COL5A2: variants seen among roughly 807,000 people sequenced by gnomAD.
COL5A2 encodes the protein collagen type V alpha 2 chain.
Under a neutral mutation model 208.2 loss-of-function variants are expected in COL5A2, and 23 were observed. The observed-to-expected ratio is 0.11, with a 90% CI of 0.08 to 0.16. The LOEUF is 0.16. COL5A2 is among the 10% of genes least tolerant of loss of function. The pLI, the probability that COL5A2 is intolerant of heterozygous loss-of-function variation, is 1.00. For synonymous variants in COL5A2, 625 were observed against 628.5 expected (o/e 0.99, Z 0.08); for missense variants, 1,590 against 1,956.4 (o/e 0.81, Z 3.53).
the COL5A2 span, among the ~76,000 whole-genome samples, chr2:189,319,476 G>A: frequency 7.9e-5 from 12 of 152,232 alleles, no homozygotes; most frequent in East Asian, 1.9e-4. Context: ...CTAATACTGC[G>A]CTTTTCCAAT....
At chr2:189,374,282 A>G in the COL5A2 span, among the ~76,000 whole-genome samples, 8 of 152,212 alleles carry the variant, frequency 5.3e-5, no homozygotes, top group African/African-American at 1.9e-4. Context: ...TTTCTTTACT[A>G]AAAGCAATTT....
the COL5A2 span, among the ~76,000 whole-genome samples, chr2:189,321,549 A>C: frequency 6.6e-6 from 1 of 152,334 alleles, no homozygotes; most frequent in South Asian, 2.1e-4. Flanking sequence ...TAAGCCAACA[A>C]AGATCAAAAG....
intron 1 of COL5A2, among the ~76,000 whole-genome samples, chr2:189,154,392 A>G (rs1688204006): frequency 6.6e-6 from 1 of 152,234 alleles, no homozygotes; most frequent in Non-Finnish European, 1.5e-5. Context: ...TAGGAGAATC[A>G]TAATTCATGA....
intron 13 of COL5A2, 28 bp downstream of exon 13, chr2:189,080,962 T>G: frequency 3.8e-6 from 6 of 1,596,404 alleles, no homozygotes; most frequent in Non-Finnish European, 3.4e-6. Flanking sequence ...CCACAGTATC[T>G]GAGAGGATTA....
the COL5A2 span, among the ~76,000 whole-genome samples, chr2:189,278,175 T>C: frequency 3.3e-5 from 5 of 152,134 alleles, no homozygotes; most frequent in African/African-American, 4.8e-5. Flanking sequence ...ATTCCTTCTC[T>C]CGATAAGCTG....
At chr2:189,285,071 G>GGTGTGTGTGTGTGTGTGTGTGTGTGTGT in the COL5A2 span, among the ~76,000 whole-genome samples, 1 of 139,702 alleles carries the variant, frequency 7.2e-6, no homozygotes, top group Non-Finnish European at 1.5e-5. Flanking sequence ...GCATGCACAT[G>GGTGTGTGTGTGTGTGTGTGTGTGTGTGT]GTGTGTGTGT....
chr2:189,384,061 A>G, the COL5A2 span, among the ~76,000 whole-genome samples: 5,349 of 152,070 alleles, frequency 0.035, 111 homozygotes, highest in Admixed American at 0.05. Context: ...CTCCATTTCC[A>G]TTCATGTTTT....
chr2:189,064,073 G>A (rs781398818), intron 25 of COL5A2, 40 bp from the exon 26 acceptor site: 2 of 1,519,792 alleles, frequency 1.3e-6, no homozygotes, highest in Non-Finnish European at 1.8e-6. Flanking sequence ...TTGCTGATAT[G>A]CAGTTGAAGT....
At chr2:189,355,790 T>C in the COL5A2 span, among the ~76,000 whole-genome samples, 1 of 152,186 alleles carries the variant, frequency 6.6e-6, no homozygotes, top group Non-Finnish European at 1.5e-5. Context: ...AAGGTTAATA[T>C]TGTTATGTGT....
At chr2:189,259,027 T>C in the COL5A2 span, among the ~76,000 whole-genome samples, 4 of 152,214 alleles carry the variant, frequency 2.6e-5, no homozygotes, top group African/African-American at 9.6e-5. Flanking sequence ...TATTCTGACA[T>C]TTCCAACCTT....
At chr2:189,269,304 G>A in the COL5A2 span, among the ~76,000 whole-genome samples, 42 of 151,948 alleles carry the variant, frequency 2.8e-4, no homozygotes, top group African/African-American at 8.5e-4. Flanking sequence ...ATTGGGCATC[G>A]TTGTCTTGTG....
At chr2:189,225,516 AAAC>A (rs201465319), upstream of COL5A2, among the ~76,000 whole-genome samples, 4,951 of 152,252 alleles carry the variant, frequency 0.033, 87 homozygotes, top group Admixed American at 0.047. Context: ...AAATTTGGCC[AAAC>A]AACAGATTTC....
At chr2:189,389,132 T>C in the COL5A2 span, among the ~76,000 whole-genome samples, 8 of 152,324 alleles carry the variant, frequency 5.3e-5, no homozygotes, top group Admixed American at 4.6e-4. Flanking sequence ...TAACAAGTCA[T>C]CTATCAAGGG....
At chr2:189,325,481 GAC>G in the COL5A2 span, among the ~76,000 whole-genome samples, 51 of 148,804 alleles carry the variant, frequency 3.4e-4, no homozygotes, top group Non-Finnish European at 3.9e-4. Flanking sequence ...TCCCCAAACA[GAC>G]ACACACACAC....
chr2:189,216,598 C>A (rs1349448087), intron 1 of COL5A2, among the ~76,000 whole-genome samples: 1 of 151,878 alleles, frequency 6.6e-6, no homozygotes, highest in Non-Finnish European at 1.5e-5. Context: ...CATTGGAGGG[C>A]AGATAGTAGG....
rs1024521499 is a variant in COL5A2 at position 189,048,453 on chromosome 2, A to G, written c.3148-191T>C. ...TTTTGAATTACTGTAAAATTAACAT[A>G]TTCTTACTTAATCCATATTCTTCAT... On this transcript the variant is annotated intron_variant, in intron 44 of 53. Coordinates refer to ENST00000374866, the MANE Select transcript of COL5A2 (RefSeq NM_000393.5). Among the ~76,000 whole-genome samples the G allele has an allele frequency of 3.9e-5, 6 of 152,210 alleles. No homozygotes were observed. In the South Asian group the frequency reaches 1.0e-3, roughly 26 times the overall value.
intron 1 of COL5A2, among the ~76,000 whole-genome samples, chr2:189,125,734 G>A (rs1687595339): frequency 6.6e-6 from 1 of 152,018 alleles, no homozygotes; most frequent in South Asian, 2.1e-4. Flanking sequence ...TACAGGTAAG[G>A]TTTCCAGTCA....
rs1361336143 is a variant in COL5A2 at position 189,059,509 on chromosome 2, T to C, written c.2086-616A>G. Among the ~76,000 whole-genome samples, 4 of 151,310 alleles carry C rather than the reference T, an allele frequency of 2.6e-5. No homozygotes were observed. In the East Asian group the frequency reaches 7.7e-4, roughly 29 times the overall value. On this transcript the variant is annotated intron_variant, in intron 31 of 53. Coordinates refer to ENST00000374866, the MANE Select transcript of COL5A2 (RefSeq NM_000393.5). ...TCCAATCTTATTCTCCGAAATGGACTGTCCTCACTGTGGCCTGATCTCCCT... is the reference window on the plus strand; with the variant it reads ...TCCAATCTTATTCTCCGAAATGGACCGTCCTCACTGTGGCCTGATCTCCCT...
chr2:189,097,645 C>A (rs745909380), intron 5 of COL5A2: 26 of 536,510 alleles, frequency 4.8e-5, no homozygotes, highest in South Asian at 3.8e-4. Flanking sequence ...TGTCTTCTCC[C>A]AGGTAAAGCC....
Sources: gnomAD v4.1 joint callset for allele counts (sites outside exome capture counted in the v4.1 genomes callset) on GRCh38, gnomAD v4.1.1 for gene constraint, MANE v1.5 for transcripts, NCBI Gene and HGNC (gene_info 2026-07-23, HGNC 2026-07-21) for gene names.